The following ATP10A variants were observed in gnomAD, a reference collection of about 807,000 sequenced individuals.
ATP10A encodes the protein phospholipid-transporting ATPase VA.
Under a neutral mutation model 147.8 loss-of-function variants are expected in ATP10A, and 111 were observed. The ratio of observed to expected loss-of-function variants is 0.75; its 90% CI spans 0.64 to 0.88. The LOEUF (loss-of-function observed/expected upper bound fraction) is 0.88. Among genes scored for constraint, ATP10A ranks in the 40% least tolerant of loss-of-function variants. The pLI is 0.00. For missense variants in ATP10A, 1,927 were observed against 1,959.0 expected (o/e 0.98, Z 0.31); for synonymous variants, 875 against 841.6 (o/e 1.04, Z -0.69).
In ATP10A at chr15:25,679,853, G is replaced by GCAAAGGTCTGA. The variant is rs766126361; in HGVS notation, c.3987_3988insTCAGACCTTTG (p.Leu1330SerfsTer50). 1 of 1,610,644 alleles carries GCAAAGGTCTGA rather than the reference G, an allele frequency of 6.2e-7. No homozygotes were observed. On this transcript the variant is annotated frameshift_variant, in exon 21 of 21. Coordinates refer to ENST00000555815, the MANE Select transcript of ATP10A (RefSeq NM_024490.4). LOFTEE classifies it high-confidence loss of function. Reference sequence around the variant, plus strand: ...TGCTCGGTTCCCGAGTCCTTCGGGAGGCGTCCCTGAGCAAAGGTCTCTTTG... The same window carrying GCAAAGGTCTGA: ...TGCTCGGTTCCCGAGTCCTTCGGGAGCAAAGGTCTGAGCGTCCCTGAGCAAAGGTCTCTTTG...
chr15:25,790,245 C>G (rs1596891424), intron 1 of ATP10A, among the ~76,000 whole-genome samples: 2 of 152,328 alleles, frequency 1.3e-5, no homozygotes, highest in Admixed American at 1.3e-4. Context: ...AGTGAATCTT[C>G]TGATACCAAA....
chr15:25,711,961 T>A (rs181380340), intron 10 of ATP10A, among the ~76,000 whole-genome samples: 2 of 152,236 alleles, frequency 1.3e-5, no homozygotes, highest in East Asian at 3.9e-4. Flanking sequence ...CCTGGCTCAC[T>A]CAGGGGCCTC....
rs1377017100 is a variant in ATP10A, at chr15:25,679,821, T to G, written c.4020A>C (p.Ser1340=). ...LPKDSGTEHS[S]GRTVKTSVPL... Reference sequence around the variant, plus strand: ...GCACAGAGGTCTTGACTGTCCTCCCTGATGAGTGCTCGGTTCCCGAGTCCT... The same window carrying G: ...GCACAGAGGTCTTGACTGTCCTCCCGGATGAGTGCTCGGTTCCCGAGTCCT... The change falls in exon 21 of 21, where the codon TCA becomes TCC. Residue 1340 remains serine (S), a synonymous_variant. Transcript: ENST00000555815. 1.2e-6 allele frequency: 2 copies of G among 1,612,234 alleles called. No homozygotes were observed. The highest frequency in any genetic ancestry group is 1.3e-5 in the African/African-American group (1 of 75,056).
At chr15:25,715,873 A>G (rs1901765883) in intron 9 of ATP10A, among the ~76,000 whole-genome samples, 1 of 152,040 alleles carries the variant, frequency 6.6e-6, no homozygotes, top group Non-Finnish European at 1.5e-5. Flanking sequence ...TATGACACAC[A>G]CCTACCCCAT....
At chr15:25,729,905 C>T (rs949554165) in intron 3 of ATP10A, among the ~76,000 whole-genome samples, 3 of 152,134 alleles carry the variant, frequency 2.0e-5, no homozygotes, top group African/African-American at 4.8e-5. Flanking sequence ...GCCTGGCAAA[C>T]GTTGAAGGCT....
intron 6 of ATP10A, among the ~76,000 whole-genome samples, chr15:25,722,909 A>C (rs1224198065): frequency 2.6e-5 from 4 of 152,196 alleles, no homozygotes; most frequent in Non-Finnish European, 5.9e-5. Flanking sequence ...GGGAGGTGTC[A>C]GGGAGGCATG....
intron 2 of ATP10A, among the ~76,000 whole-genome samples, chr15:25,766,484 A>T (rs1398812658): frequency 6.6e-6 from 1 of 152,034 alleles, no homozygotes; most frequent in Admixed American, 6.5e-5. Flanking sequence ...ATGCTCCACC[A>T]GCATCTCCCT....
chr15:25,748,026 G>T (rs896929799), intron 2 of ATP10A, among the ~76,000 whole-genome samples: 4 of 151,790 alleles, frequency 2.6e-5, no homozygotes, highest in African/African-American at 9.7e-5. Flanking sequence ...GTACAGTGGC[G>T]ATCTTGGCTC....
intron 2 of ATP10A, among the ~76,000 whole-genome samples, chr15:25,768,540 CTTTT>C (rs59228132): frequency 1.5e-5 from 2 of 132,218 alleles, no homozygotes; most frequent in Admixed American, 7.6e-5. Flanking sequence ...CTCTCTCTCT[CTTTT>C]TTTTTTTTTT....
At chr15:25,823,471 G>C (rs1891973697) in intron 1 of ATP10A, among the ~76,000 whole-genome samples, 1 of 152,130 alleles carries the variant, frequency 6.6e-6, no homozygotes, top group Non-Finnish European at 1.5e-5. Flanking sequence ...CGTCCCCCAG[G>C]TGCCCTTCTG....
At chr15:25,811,498 C>A (rs535235735) in intron 1 of ATP10A, among the ~76,000 whole-genome samples, 2 of 152,170 alleles carry the variant, frequency 1.3e-5, no homozygotes, top group Non-Finnish European at 2.9e-5. Flanking sequence ...CATGTGGAAA[C>A]TGCACACCCG....
chr15:25,699,233 C>T (rs756392299), intron 13 of ATP10A, among the ~76,000 whole-genome samples: 3 of 152,174 alleles, frequency 2.0e-5, no homozygotes, highest in Non-Finnish European at 2.9e-5. Flanking sequence ...AATCAATACA[C>T]GTCGTATTGG....
chr15:25,786,653 T>C (rs1890176504), intron 1 of ATP10A, among the ~76,000 whole-genome samples: 1 of 113,606 alleles, frequency 8.8e-6, no homozygotes, highest in Admixed American at 1.3e-4. Context: ...TGAGGCGGAG[T>C]CTCGCTCCAT....
At chr15:25,737,609 G>C (rs531161018) in intron 2 of ATP10A, among the ~76,000 whole-genome samples, 16 of 152,250 alleles carry the variant, frequency 1.1e-4, no homozygotes, top group Admixed American at 5.2e-4. Flanking sequence ...TGGAACTGGG[G>C]AGGATTTGGA....
intron 2 of ATP10A, among the ~76,000 whole-genome samples, chr15:25,774,735 A>G (rs1419708744): frequency 6.6e-6 from 1 of 152,202 alleles, no homozygotes; most frequent in Non-Finnish European, 1.5e-5. Flanking sequence ...GCCATGAAAT[A>G]AACACAGTTA....
intron 1 of ATP10A, among the ~76,000 whole-genome samples, chr15:25,849,246 G>A (rs1016913292): frequency 3.9e-5 from 6 of 152,142 alleles, no homozygotes; most frequent in African/African-American, 1.4e-4. Flanking sequence ...GGGTGTGGAC[G>A]TTGGATTGGG....
chr15:25,717,772 T>A (rs1027926020), intron 8 of ATP10A, among the ~76,000 whole-genome samples: 1 of 152,202 alleles, frequency 6.6e-6, no homozygotes, highest in Non-Finnish European at 1.5e-5. Flanking sequence ...TGGTGGTCCA[T>A]TAATGTCTGG....
In ATP10A at chr15:25,681,978, C is replaced by T. The variant is rs536709981; in HGVS notation, c.3493-904G>A. ...CTGAGGCAGGAGAATGGCGTGAACC[C>T]GGGAGGCGGAGCTTGCAGTGAGCCG... On this transcript the variant is annotated intron_variant, in intron 17 of 20. Coordinates refer to ENST00000555815, the MANE Select transcript of ATP10A (RefSeq NM_024490.4). Among the ~76,000 whole-genome samples, 7 of 149,626 alleles carry T rather than the reference C, an allele frequency of 4.7e-5. No individual in the cohort carries two copies. The South Asian group carries it at 6.4e-4, about 14-fold the overall frequency.
At chr15:25,719,437 C>T (rs1327520942) in intron 7 of ATP10A, among the ~76,000 whole-genome samples, 1 of 152,170 alleles carries the variant, frequency 6.6e-6, no homozygotes, top group Non-Finnish European at 1.5e-5. Flanking sequence ...AATGCCTCCC[C>T]AGCTCTCGGG....
Sources: allele counts gnomAD v4.1 joint callset (sites outside exome capture counted in the v4.1 genomes callset), GRCh38; gene constraint gnomAD v4.1.1; transcripts MANE v1.5; gene names NCBI Gene and HGNC (gene_info 2026-07-23, HGNC 2026-07-21).